LRP5: variants seen among roughly 807,000 people sequenced by gnomAD.
The protein encoded by LRP5 is LDL receptor related protein 5.
A neutral mutation model predicts 154.1 loss-of-function variants in LRP5; 62 were observed. The ratio of observed to expected loss-of-function variants is 0.40; its 90% CI spans 0.33 to 0.50. LRP5 has a LOEUF of 0.50. LRP5 is among the 20% of genes least tolerant of loss of function. LRP5 has a pLI of 0.55. For missense variants in LRP5, 1,915 were observed against 2,336.7 expected (o/e 0.82, Z 3.72); for synonymous variants, 966 against 1,011.5 (o/e 0.96, Z 0.85).
At chr11:68,384,089 C>A (rs1160264541) in intron 5 of LRP5, among the ~76,000 whole-genome samples, 1 of 152,182 alleles carries the variant, frequency 6.6e-6, no homozygotes, top group African/African-American at 2.4e-5. Context: ...CAGCCCTGGG[C>A]CCGTGTCGCT....
intron 14 of LRP5, 70 bp from the exon 15 acceptor site, chr11:68,425,032 G>T (rs1273214391): frequency 1.9e-5 from 27 of 1,415,798 alleles, no homozygotes; most frequent in Non-Finnish European, 2.4e-5. Flanking sequence ...CCAGCTGGGT[G>T]CCCTGGGCTC....
At chr11:68,351,071 T>A (rs2098618103) in intron 2 of LRP5, among the ~76,000 whole-genome samples, 1 of 152,160 alleles carries the variant, frequency 6.6e-6, no homozygotes, top group Admixed American at 6.5e-5. Context: ...AGTGTCTGCA[T>A]CTGAACCAGT....
chr11:68,404,360 T>C (rs1450347058), intron 8 of LRP5: 1 of 525,520 alleles, frequency 1.9e-6, no homozygotes, highest in Middle Eastern at 2.9e-4. Context: ...TCTTTGCTGA[T>C]GAAGGATGAG....
the LRP5 span, among the ~76,000 whole-genome samples, chr11:68,303,540 C>CT: frequency 6.6e-6 from 1 of 152,194 alleles, no homozygotes; most frequent in African/African-American, 2.4e-5. Flanking sequence ...TGTCACCAGG[C>CT]TGGAGTGCAG....
At chr11:68,411,679 C>A in intron 11 of LRP5, 59 bp downstream of exon 11, 1 of 1,531,068 alleles carries the variant, frequency 6.5e-7, no homozygotes, top group Non-Finnish European at 8.8e-7. Flanking sequence ...GCGTTGGCCA[C>A]CTCCCAGCCT....
intron 7 of LRP5, among the ~76,000 whole-genome samples, chr11:68,396,325 G>A (rs1189785657): frequency 2.0e-5 from 3 of 152,204 alleles, no homozygotes; most frequent in Non-Finnish European, 4.4e-5. Context: ...CCCTGGACGT[G>A]TTTTGCCGCT....
chr11:68,439,720 G>T, intron 20 of LRP5, 57 bp from the exon 21 acceptor site: 1 of 1,572,368 alleles, frequency 6.4e-7, no homozygotes, highest in Non-Finnish European at 8.7e-7. Flanking sequence ...CTATGTCTGT[G>T]GGGCGGCTTG....
chr11:68,300,313 G>A, the LRP5 span, among the ~76,000 whole-genome samples: 1 of 149,378 alleles, frequency 6.7e-6, no homozygotes, highest in Admixed American at 6.7e-5. Flanking sequence ...GAGGACAAGG[G>A]AGGGGATTAG....
At chr11:68,328,875 G>A (rs903110771) in intron 1 of LRP5, among the ~76,000 whole-genome samples, 14 of 152,220 alleles carry the variant, frequency 9.2e-5, no homozygotes, top group Admixed American at 7.9e-4. Flanking sequence ...GCAGGACACG[G>A]CGCAGAGGTA....
intron 13 of LRP5, among the ~76,000 whole-genome samples, chr11:68,421,144 G>A (rs371612335): frequency 3.3e-5 from 5 of 152,062 alleles, no homozygotes; most frequent in South Asian, 2.1e-4. Flanking sequence ...GGAGAATGGC[G>A]TGAACCCGGG....
chr11:68,372,633 G>C (rs893033851), intron 5 of LRP5, among the ~76,000 whole-genome samples: 1 of 152,190 alleles, frequency 6.6e-6, no homozygotes, highest in Non-Finnish European at 1.5e-5. Flanking sequence ...TATACTCCCC[G>C]CTCCATGGGG....
At chr11:68,417,135 A>G (rs2098663028) in intron 13 of LRP5, among the ~76,000 whole-genome samples, 1 of 152,204 alleles carries the variant, frequency 6.6e-6, no homozygotes, top group Non-Finnish European at 1.5e-5. Flanking sequence ...CCTTGGGAAG[A>G]TCTGGAGTTG....
intron 1 of LRP5, among the ~76,000 whole-genome samples, chr11:68,325,567 C>T (rs190203731): frequency 2.0e-5 from 3 of 152,310 alleles, no homozygotes; most frequent in Admixed American, 1.3e-4. Flanking sequence ...GCTGCTGTTT[C>T]GGACACCCGA....
intron 17 of LRP5, among the ~76,000 whole-genome samples, chr11:68,432,127 C>T (rs964920103): frequency 2.0e-5 from 3 of 152,222 alleles, no homozygotes; most frequent in East Asian, 1.9e-4. Flanking sequence ...CTGAGCCGGG[C>T]GCGCCCCTGG....
At chr11:68,316,097 G>A (rs1425020851) in intron 1 of LRP5, among the ~76,000 whole-genome samples, 3 of 151,982 alleles carry the variant, frequency 2.0e-5, no homozygotes, top group Non-Finnish European at 4.4e-5. Flanking sequence ...GTGACTTCCC[G>A]TTCCCTCTCC....
intron 1 of LRP5, among the ~76,000 whole-genome samples, chr11:68,339,104 C>G (rs931406112): frequency 6.6e-6 from 1 of 151,630 alleles, no homozygotes; most frequent in Non-Finnish European, 1.5e-5. Context: ...AAACTCCTGA[C>G]CTCAGATGAT....
intron 6 of LRP5, 84 bp from the exon 7 acceptor site, chr11:68,389,796 TG>T (rs1565067871): frequency 1.4e-6 from 2 of 1,427,122 alleles, no homozygotes; most frequent in South Asian, 1.1e-5. Context: ...GGGGCCGGCT[TG>T]GGGGCAGGCC....
At chr11:68,400,944 C>A (rs553478206) in intron 7 of LRP5, among the ~76,000 whole-genome samples, 2 of 152,162 alleles carry the variant, frequency 1.3e-5, no homozygotes, top group Non-Finnish European at 1.5e-5. Flanking sequence ...AGATCGAAAC[C>A]TGGATTGCTT....
chr11:68,339,380 G>A (rs2098607557), intron 1 of LRP5, among the ~76,000 whole-genome samples: 1 of 150,326 alleles, frequency 6.7e-6, no homozygotes, highest in South Asian at 2.1e-4. Context: ...CGGAATTTTG[G>A]TCTGTCGCCC....
Sources: allele counts gnomAD v4.1 joint callset (sites outside exome capture counted in the v4.1 genomes callset), GRCh38; gene constraint gnomAD v4.1.1; transcripts MANE v1.5; gene names NCBI Gene and HGNC (gene_info 2026-07-23, HGNC 2026-07-21).